Variants in GPHN observed in about 807,000 individuals in gnomAD.
GPHN encodes the protein gephyrin.
Under a neutral mutation model 95.5 loss-of-function variants are expected in GPHN, and 17 were observed. The observed-to-expected ratio is 0.18, with a 90% CI of 0.12 to 0.27. The LOEUF (loss-of-function observed/expected upper bound fraction) is 0.27. Among genes scored for constraint, GPHN ranks in the 10% least tolerant of loss-of-function variants. The pLI is 1.00. For missense variants in GPHN, 660 were observed against 978.1 expected, an observed-to-expected ratio of 0.67 and a Z score of 4.34; for synonymous variants, 320 against 322.5, an observed-to-expected ratio of 0.99 and a Z score of 0.08.
At chr14:67,392,079 T>TTG in the GPHN span, among the ~76,000 whole-genome samples, 8 of 151,928 alleles carry the variant, frequency 5.3e-5, no homozygotes, top group African/African-American at 1.7e-4. Context: ...GTTGTGATAA[T>TTG]TGTGTGTGTG....
chr14:67,222,042 G>C, the GPHN span: 1 of 483,880 alleles, frequency 2.1e-6, no homozygotes, highest in Admixed American at 3.9e-5. Context: ...TACTACTTCA[G>C]TTTTCTTTTT....
the GPHN span, chr14:67,573,891 A>G: frequency 3.1e-6 from 5 of 1,604,026 alleles, no homozygotes; most frequent in Non-Finnish European, 4.3e-6. The surrounding 1 kb of genome is among the most constrained non-coding windows in gnomAD (Gnocchi z 4.8). Flanking sequence ...GTTTCAGGTG[A>G]GCACGCTCCT....
chr14:66,763,589 C>T (rs1245778289), intron 2 of GPHN, among the ~76,000 whole-genome samples: 1 of 151,662 alleles, frequency 6.6e-6, no homozygotes, highest in African/African-American at 2.4e-5. Context: ...TTTATGGCTG[C>T]ATAGTATTCC....
the GPHN span, among the ~76,000 whole-genome samples, chr14:67,326,290 G>GAGTGC: frequency 1.5e-4 from 17 of 110,068 alleles, no homozygotes; most frequent in Non-Finnish European, 2.3e-4. Context: ...ACCCAGACTA[G>GAGTGC]AGTGCTGTGG....
intron 2 of GPHN, among the ~76,000 whole-genome samples, chr14:66,721,015 T>C (rs1042535673): frequency 6.6e-6 from 1 of 152,232 alleles, no homozygotes; most frequent in Non-Finnish European, 1.5e-5. Context: ...AATCACCCTT[T>C]TCAGTTTATT....
chr14:67,030,309 G>A (rs2074134514), intron 10 of GPHN, among the ~76,000 whole-genome samples: 1 of 152,048 alleles, frequency 6.6e-6, no homozygotes, highest in African/African-American at 2.4e-5. Context: ...GTCCAAACCA[G>A]AAATCTTTAG....
chr14:67,340,276 T>C, the GPHN span: 2 of 607,624 alleles, frequency 3.3e-6, no homozygotes, highest in South Asian at 2.7e-5. Flanking sequence ...TTGACAGATT[T>C]GTTTCCACAA....
chr14:66,697,626 A>C (rs2068189475), intron 2 of GPHN, among the ~76,000 whole-genome samples: 2 of 150,442 alleles, frequency 1.3e-5, no homozygotes, highest in South Asian at 4.2e-4. Flanking sequence ...GGGTTGGCAA[A>C]CTATGATCCA....
At chr14:67,652,973 G>A in the GPHN span, among the ~76,000 whole-genome samples, 1 of 152,040 alleles carries the variant, frequency 6.6e-6, no homozygotes, top group Admixed American at 6.6e-5. Context: ...TGTATTTTTA[G>A]TAGAGACGGG....
chr14:67,726,017 C>A, the GPHN span: 6 of 1,474,544 alleles, frequency 4.1e-6, no homozygotes, highest in Admixed American at 8.4e-5. Flanking sequence ...GGACTCCTTG[C>A]TAACCATAGG....
the GPHN span, chr14:67,619,690 C>T: frequency 3.1e-6 from 1 of 327,568 alleles, no homozygotes; most frequent in African/African-American, 2.2e-5. Flanking sequence ...GGATATTGGC[C>T]TTCTGGCGTC....
At chr14:67,274,625 G>T in the GPHN span, among the ~76,000 whole-genome samples, 309 of 152,290 alleles carry the variant, frequency 2.0e-3, no homozygotes, top group African/African-American at 7.0e-3. Flanking sequence ...GGTTCCATAT[G>T]AACTTTAAAG....
intron 3 of GPHN, among the ~76,000 whole-genome samples, chr14:66,778,726 C>CTTTTTTTTTT (rs759940498): frequency 5.1e-5 from 3 of 59,348 alleles, no homozygotes; most frequent in African/African-American, 2.3e-4. Context: ...ACTCAAGGGG[C>CTTTTTTTTTT]TTTTTTTTTT....
the GPHN span, among the ~76,000 whole-genome samples, chr14:67,554,098 G>A: frequency 1.3e-5 from 2 of 152,162 alleles, no homozygotes; most frequent in Non-Finnish European, 2.9e-5. Flanking sequence ...GAAAGCATCT[G>A]TGTCTCCCCA....
chr14:67,116,384 GAAAC>G (rs2078699308), intron 16 of GPHN, among the ~76,000 whole-genome samples: 1 of 151,888 alleles, frequency 6.6e-6, no homozygotes, highest in Admixed American at 6.6e-5. Flanking sequence ...GAAAAGAAAA[GAAAC>G]AAGGAAAGGA....
chr14:67,641,861 T>C, the GPHN span, among the ~76,000 whole-genome samples: 1 of 152,228 alleles, frequency 6.6e-6, no homozygotes, highest in Non-Finnish European at 1.5e-5. Context: ...AAATTGTTGG[T>C]TCTTAATTTT....
the GPHN span, chr14:67,559,703 A>T: frequency 6.3e-7 from 1 of 1,581,926 alleles, no homozygotes; most frequent in East Asian, 2.3e-5. Flanking sequence ...TGGGTTGGAA[A>T]CTCATCTTGG....
chr14:67,494,600 G>A, the GPHN span, among the ~76,000 whole-genome samples: 5 of 152,204 alleles, frequency 3.3e-5, no homozygotes, highest in Admixed American at 6.5e-5. Flanking sequence ...CTCTGGACAC[G>A]GGTTGAGAGG....
chr14:66,584,706 G>C lies in GPHN; in HGVS notation c.64+76115G>C, dbSNP rs186893654. Among the ~76,000 whole-genome samples the C allele has an allele frequency of 2.0e-5, 3 of 152,260 alleles. No homozygotes were observed. The East Asian group carries it at 5.8e-4, about 29-fold the overall frequency. On this transcript the variant is annotated intron_variant, in intron 1 of 22. Coordinates refer to ENST00000478722, the MANE Select transcript of GPHN (RefSeq NM_020806.5). ...GGATTACATTTATTGATTTTCGTATGTTGAGCCAGCCTTGCATCCCCGGGA... is the reference window on the plus strand; with the variant it reads ...GGATTACATTTATTGATTTTCGTATCTTGAGCCAGCCTTGCATCCCCGGGA...
Sources: allele counts gnomAD v4.1 joint callset (sites outside exome capture counted in the v4.1 genomes callset), GRCh38; gene constraint gnomAD v4.1.1; non-coding constraint Gnocchi (gnomAD v3.1); transcripts MANE v1.5; gene names NCBI Gene and HGNC (gene_info 2026-07-23, HGNC 2026-07-21).